The following FCHSD2 variants were observed in gnomAD, a reference collection of about 807,000 sequenced individuals.
FCHSD2 encodes FCH and double SH3 domains 2.
A neutral mutation model predicts 108.1 loss-of-function variants in FCHSD2; 38 were observed. The ratio of observed to expected loss-of-function variants is 0.35; its 90% CI spans 0.27 to 0.46. FCHSD2 has a LOEUF of 0.46. FCHSD2 is among the 20% of genes least tolerant of loss of function. FCHSD2 has a pLI of 1.00. For synonymous variants in FCHSD2, 279 were observed against 314.7 expected (o/e 0.89, Z 1.20); for missense variants, 751 against 897.8 (o/e 0.84, Z 2.09).
intron 8 of FCHSD2, among the ~76,000 whole-genome samples, chr11:72,980,344 G>A (rs764655295): frequency 5.3e-5 from 8 of 152,128 alleles, no homozygotes; most frequent in South Asian, 2.1e-4. Context: ...CTGCTCCGTC[G>A]AAACTTTTCT....
chr11:73,044,134 C>G (rs1373570390), intron 3 of FCHSD2, among the ~76,000 whole-genome samples: 1 of 152,174 alleles, frequency 6.6e-6, no homozygotes, highest in Non-Finnish European at 1.5e-5. Flanking sequence ...ACATCCAAGG[C>G]CTGCTACTAT....
intron 9 of FCHSD2, among the ~76,000 whole-genome samples, chr11:72,910,017 G>A (rs564578813): frequency 1.8e-4 from 26 of 147,550 alleles, no homozygotes; most frequent in African/African-American, 6.3e-4. Flanking sequence ...GAAGTGAGGA[G>A]CGCCTCTGCC....
intron 8 of FCHSD2, among the ~76,000 whole-genome samples, chr11:72,959,853 G>GGTGGGT (rs1555063759): frequency 1.4e-5 from 2 of 145,810 alleles, no homozygotes; most frequent in African/African-American, 5.1e-5. Flanking sequence ...AAGTTTCTAG[G>GGTGGGT]GTGTGTGTGT....
At chr11:72,934,635 T>C (rs2135331929) in intron 8 of FCHSD2, among the ~76,000 whole-genome samples, 1 of 152,282 alleles carries the variant, frequency 6.6e-6, no homozygotes, top group South Asian at 2.1e-4. Context: ...TGCTTGGCCA[T>C]AAATTTCTTA....
intron 8 of FCHSD2, among the ~76,000 whole-genome samples, chr11:72,963,078 G>A (rs1422580022): frequency 6.6e-6 from 1 of 152,146 alleles, no homozygotes; most frequent in Non-Finnish European, 1.5e-5. Flanking sequence ...AGAGTTGGTA[G>A]GCTAATGAAA....
chr11:72,912,867 C>A (rs1855791575), intron 9 of FCHSD2, among the ~76,000 whole-genome samples: 1 of 152,046 alleles, frequency 6.6e-6, no homozygotes, highest in African/African-American at 2.4e-5. Context: ...TGTATTAGTC[C>A]ATTCTCACAT....
intron 9 of FCHSD2, among the ~76,000 whole-genome samples, chr11:72,913,385 C>T (rs998301155): frequency 3.3e-5 from 5 of 152,206 alleles, no homozygotes; most frequent in African/African-American, 1.2e-4. Flanking sequence ...TTTCACACCT[C>T]AGCCTCCCGA....
intron 2 of FCHSD2, among the ~76,000 whole-genome samples, chr11:73,139,546 TATG>T (rs1465393228): frequency 3.3e-5 from 5 of 152,194 alleles, no homozygotes; most frequent in African/African-American, 1.2e-4. Context: ...TAAAATAAAA[TATG>T]ATAAACACAC....
Position 72,838,087 on chromosome 11 carries a change from C to T in FCHSD2, c.*704G>A, listed in dbSNP as rs932836969. The T allele has an allele frequency of 1.3e-5, 2 of 152,210 alleles. No individual in the cohort carries two copies. Among genetic ancestry groups the T allele is most frequent in the African/African-American group, 4.8e-5 (2 of 41,452 alleles). 9.4% of individuals were successfully genotyped at this position (152,210 alleles called of 1,614,324 possible). A position where few individuals can be genotyped will look rare whatever the true frequency, so the allele number is the denominator to read the frequency against. On this transcript the variant is annotated 3_prime_UTR_variant, in exon 20 of 20. Transcript: ENST00000409418. ...CCTTTCTATTAGTCTATGTGATGAA[C>T]AAGATGTGGCTACTAGTTCAGCCCC...
intron 8 of FCHSD2, among the ~76,000 whole-genome samples, chr11:72,959,853 G>GGTGTGTGTGTGTGT (rs58451717): frequency 1.2e-3 from 170 of 145,892 alleles, no homozygotes; most frequent in Non-Finnish European, 1.4e-3. Flanking sequence ...AAGTTTCTAG[G>GGTGTGTGTGTGTGT]GTGTGTGTGT....
chr11:73,120,573 T>C (rs1240573186), intron 2 of FCHSD2, among the ~76,000 whole-genome samples: 3 of 151,848 alleles, frequency 2.0e-5, no homozygotes, highest in East Asian at 1.9e-4. Flanking sequence ...CTACTAAAAA[T>C]ACAAAATTAG....
chr11:72,870,273 C>T (rs1854824933), intron 12 of FCHSD2, among the ~76,000 whole-genome samples: 1 of 152,138 alleles, frequency 6.6e-6, no homozygotes, highest in African/African-American at 2.4e-5. Context: ...ATGTGATAGG[C>T]ACGAAATTAT....
Position 73,083,742 on chromosome 11 carries a change from TA to T in FCHSD2, c.120-3del. The T allele has an allele frequency of 6.5e-7, 1 of 1,534,092 alleles. No homozygotes were observed. The highest frequency in any genetic ancestry group is 2.4e-5 in the East Asian group (1 of 40,892). ...GCAGCCTTCTTCTGACTGAATGTCC[TA>T]AAAATACAAAGAAAAATTAATTACC... On this transcript the variant is annotated splice_polypyrimidine_tract_variant and splice_region_variant and intron_variant, in intron 2 of 19. Transcript: ENST00000409418.
At chr11:72,965,921 C>T (rs1275447489) in intron 8 of FCHSD2, among the ~76,000 whole-genome samples, 1 of 152,170 alleles carries the variant, frequency 6.6e-6, no homozygotes, top group Non-Finnish European at 1.5e-5. Context: ...GAATGAACTA[C>T]AGTTCTATGT....
chr11:73,020,549 C>T (rs1207519850), intron 3 of FCHSD2, among the ~76,000 whole-genome samples: 2 of 152,054 alleles, frequency 1.3e-5, no homozygotes, highest in African/African-American at 2.4e-5. Flanking sequence ...GCAAATTATG[C>T]AATTATTACC....
intron 2 of FCHSD2, among the ~76,000 whole-genome samples, chr11:73,131,306 A>T (rs1321245919): frequency 6.6e-6 from 1 of 151,180 alleles, no homozygotes; most frequent in African/African-American, 2.4e-5. Flanking sequence ...TCACAAGGTC[A>T]GGAGATCGAG....
rs186558808 is a variant in FCHSD2 at position 72,854,495 on chromosome 11, G to A, written c.1309-4606C>T. Among the ~76,000 whole-genome samples the A allele has an allele frequency of 2.7e-4, 41 of 152,300 alleles. No individual in the cohort carries two copies. The East Asian group carries it at 7.5e-3, about 28-fold the overall frequency. ...TGCCCAAGCTGGAGTGCAATGGTGC[G>A]ATCATAGCTCATTGCAGCTTTGAAC... On this transcript the variant is annotated intron_variant, in intron 13 of 19. Transcript: ENST00000409418.
At chr11:73,082,382 C>G (rs1026237185) in intron 3 of FCHSD2, among the ~76,000 whole-genome samples, 2 of 93,448 alleles carry the variant, frequency 2.1e-5, no homozygotes, top group African/African-American at 7.8e-5. Flanking sequence ...AAGCATTCAA[C>G]AGAAATATTA....
At chr11:73,129,826 T>C (rs1409161151) in intron 2 of FCHSD2, among the ~76,000 whole-genome samples, 7 of 151,964 alleles carry the variant, frequency 4.6e-5, no homozygotes, top group Non-Finnish European at 8.8e-5. Flanking sequence ...CTAGCACTTG[T>C]TCCGATATAT....
Sources: gnomAD v4.1 joint callset for allele counts (sites outside exome capture counted in the v4.1 genomes callset) on GRCh38, gnomAD v4.1.1 for gene constraint, MANE v1.5 for transcripts, NCBI Gene and HGNC (gene_info 2026-07-23, HGNC 2026-07-21) for gene names.